The following OPRM1 variants were observed in gnomAD, a reference collection of about 807,000 sequenced individuals.
OPRM1 encodes opioid receptor mu 1.
OPRM1 carries 27 observed loss-of-function variants against 31.8 expected under a neutral mutation model. That is an observed-to-expected ratio of 0.85 (90% confidence interval 0.63 to 1.17). The LOEUF (loss-of-function observed/expected upper bound fraction) is 1.17. Ranked by LOEUF, OPRM1 falls within the 50% of genes most tolerant of loss-of-function variation. The probability of loss-of-function intolerance (pLI) is 0.00; values close to 1 mark genes in which losing one functional copy is unlikely to be tolerated. For missense variants in OPRM1, 536 were observed against 511.1 expected (o/e 1.05, Z -0.47); for synonymous variants, 196 against 189.9 (o/e 1.03, Z -0.26).
At chr6:154,021,222 C>T (rs1778348399) in intron 1 of OPRM1, among the ~76,000 whole-genome samples, 1 of 152,152 alleles carries the variant, frequency 6.6e-6, no homozygotes, top group African/African-American at 2.4e-5. Flanking sequence ...ACTTACTTTT[C>T]TCCGCTGTAT....
chr6:154,241,424 A>T (rs1040485473), intron 3 of OPRM1, among the ~76,000 whole-genome samples: 1 of 152,120 alleles, frequency 6.6e-6, no homozygotes, highest in African/African-American at 2.4e-5. Context: ...ACAAAACTAA[A>T]ATACACCAAA....
At chr6:154,210,212 G>A (rs558035351) in intron 3 of OPRM1, among the ~76,000 whole-genome samples, 20 of 152,190 alleles carry the variant, frequency 1.3e-4, no homozygotes, top group Non-Finnish European at 2.6e-4. Flanking sequence ...GTGTGTTCTA[G>A]ATGCCTGACA....
intron 1 of OPRM1, among the ~76,000 whole-genome samples, chr6:154,071,164 C>T (rs1387784498): frequency 6.6e-6 from 1 of 152,136 alleles, no homozygotes; most frequent in Non-Finnish European, 1.5e-5. Flanking sequence ...GAGACTTAAC[C>T]TAGATCATGG....
At chr6:154,209,924 C>G (rs1217113692) in intron 3 of OPRM1, among the ~76,000 whole-genome samples, 2 of 152,080 alleles carry the variant, frequency 1.3e-5, no homozygotes, top group Admixed American at 1.3e-4. Flanking sequence ...CAACTTAGAA[C>G]TTCTAAAAAA....
At position 154,121,529 on chromosome 6, in the gene OPRM1, G is replaced by A. The variant is rs1797298440; in HGVS notation, c.*2808G>A. Among the ~76,000 whole-genome samples the A allele has an allele frequency of 6.6e-6, 1 of 152,326 alleles. No individual in the cohort carries two copies. Among genetic ancestry groups the A allele is most frequent in the East Asian group, 1.9e-4 (1 of 5,194 alleles). ...AACCTCTTCTAAGACACGGCTATGAGTAGGTAAGAGAGCATTCATTCCCTT... is the reference window on the plus strand; with the variant it reads ...AACCTCTTCTAAGACACGGCTATGAATAGGTAAGAGAGCATTCATTCCCTT... On this transcript the variant is annotated 3_prime_UTR_variant, in exon 4 of 4. Transcript: ENST00000330432.
chr6:154,127,354 T>G lies in OPRM1; in HGVS notation c.*8633T>G, dbSNP rs1797649541. 6.6e-6 allele frequency among the ~76,000 whole-genome samples: 1 copy of G among 152,142 alleles called. No homozygotes were observed. The highest frequency in any genetic ancestry group is 1.5e-5 in the Non-Finnish European group (1 of 68,024). Reference sequence around the variant, plus strand: ...AATTTGAATAAAATGACCAGTTAGGTGTTTTCAGAAACACCTATGCCCTAC... The same window carrying G: ...AATTTGAATAAAATGACCAGTTAGGGGTTTTCAGAAACACCTATGCCCTAC... On this transcript the variant is annotated 3_prime_UTR_variant, in exon 4 of 4. Coordinates refer to ENST00000330432, the MANE Select transcript of OPRM1 (RefSeq NM_000914.5).
chr6:154,047,032 T>C (rs514980), intron 1 of OPRM1, among the ~76,000 whole-genome samples: 28,223 of 152,044 alleles, frequency 0.19, 2,911 homozygotes, highest in Admixed American at 0.27. Flanking sequence ...AAAGAGTGAG[T>C]GTGCTCTGAA....
At chr6:154,088,273 A>G (rs1791144833) in intron 1 of OPRM1, among the ~76,000 whole-genome samples, 1 of 152,230 alleles carries the variant, frequency 6.6e-6, no homozygotes, top group Admixed American at 6.5e-5. Context: ...CTAATCTATA[A>G]GAACAGAAAG....
intron 3 of OPRM1, among the ~76,000 whole-genome samples, chr6:154,231,220 T>C (rs1482896601): frequency 6.6e-6 from 1 of 152,108 alleles, no homozygotes; most frequent in Non-Finnish European, 1.5e-5. Flanking sequence ...AAAGTAAAAG[T>C]AAAAGGAGAT....
chr6:154,137,501 C>G (rs1798087919), intron 3 of OPRM1, among the ~76,000 whole-genome samples: 1 of 151,876 alleles, frequency 6.6e-6, no homozygotes, highest in South Asian at 2.1e-4. Flanking sequence ...ATTTATTTAA[C>G]AGAATAAAGT....
intron 3 of OPRM1, chr6:154,110,355 A>G (rs1796206939): frequency 7.0e-7 from 1 of 1,421,292 alleles, no homozygotes; most frequent in East Asian, 2.5e-5. Flanking sequence ...ATCTTTGCAG[A>G]AAATAGATTT....
intron 3 of OPRM1, chr6:154,154,563 A>G (rs1358715011): frequency 6.6e-6 from 1 of 152,202 alleles, no homozygotes; most frequent in African/African-American, 2.4e-5. Flanking sequence ...GATGACTGCC[A>G]CCAGAGGGCA....
intron 1 of OPRM1, among the ~76,000 whole-genome samples, chr6:154,048,569 G>T (rs1267263838): frequency 6.6e-6 from 1 of 152,106 alleles, no homozygotes; most frequent in African/African-American, 2.4e-5. Flanking sequence ...ATTCAAAGTT[G>T]ACCAACAGAA....
chr6:154,070,203 C>T (rs566540278), intron 1 of OPRM1, among the ~76,000 whole-genome samples: 1 of 152,344 alleles, frequency 6.6e-6, no homozygotes, highest in Non-Finnish European at 1.5e-5. Flanking sequence ...GCTCCTGCAG[C>T]TCATGCACTG....
chr6:154,088,466 C>G (rs1203333513), intron 1 of OPRM1, among the ~76,000 whole-genome samples: 1 of 152,188 alleles, frequency 6.6e-6, no homozygotes, highest in Non-Finnish European at 1.5e-5. Flanking sequence ...TTAGGCTTTG[C>G]ATGTCATCTG....
chr6:154,209,638 T>A (rs2128602946), intron 3 of OPRM1, among the ~76,000 whole-genome samples: 1 of 124,688 alleles, frequency 8.0e-6, no homozygotes, highest in Non-Finnish European at 1.7e-5. Context: ...ACTGAGACTG[T>A]GTCTCAAAAA....
At chr6:154,077,874 A>AACACCC (rs1295491894) in intron 1 of OPRM1, among the ~76,000 whole-genome samples, 1 of 149,270 alleles carries the variant, frequency 6.7e-6, no homozygotes, top group Non-Finnish European at 1.5e-5. Flanking sequence ...CACCCCATCT[A>AACACCC]CTTTTTTTTT....
At chr6:154,244,297 G>GT (rs1562563675) in intron 3 of OPRM1, among the ~76,000 whole-genome samples, 1 of 76,802 alleles carries the variant, frequency 1.3e-5, no homozygotes, top group Non-Finnish European at 2.7e-5. Context: ...TGTGTGTGTG[G>GT]GTGGGTGTGT....
At chr6:154,138,140 C>T (rs948860053) in intron 3 of OPRM1, among the ~76,000 whole-genome samples, 1 of 152,104 alleles carries the variant, frequency 6.6e-6, no homozygotes, top group African/African-American at 2.4e-5. Flanking sequence ...CTTACTCCTT[C>T]GACTTACTAG....
Sources: allele counts gnomAD v4.1 joint callset (sites outside exome capture counted in the v4.1 genomes callset), GRCh38; gene constraint gnomAD v4.1.1; transcripts MANE v1.5; gene names NCBI Gene and HGNC (gene_info 2026-07-23, HGNC 2026-07-21).